Variants in HPS4 observed in about 807,000 individuals in gnomAD.
HPS4 encodes the protein BLOC-3 complex member HPS4.
A neutral mutation model predicts 70.3 loss-of-function variants in HPS4; 44 were observed. The observed-to-expected ratio is 0.63, with a 90% CI of 0.49 to 0.80. The LOEUF is 0.80. Among genes scored for constraint, HPS4 ranks in the 30% least tolerant of loss-of-function variants. The pLI is 0.00. For synonymous variants in HPS4, 377 were observed against 355.9 expected, an observed-to-expected ratio of 1.06 and a Z score of -0.67; for missense variants, 873 against 884.4, an observed-to-expected ratio of 0.99 and a Z score of 0.16.
chr22:26,456,746 T>A (rs1221582140), intron 13 of HPS4, among the ~76,000 whole-genome samples: 1 of 152,226 alleles, frequency 6.6e-6, no homozygotes, highest in African/African-American at 2.4e-5. Flanking sequence ...GCCCTTGACC[T>A]GCTAACTTGC....
chr22:26,449,352 CAG>C (rs1491380781), downstream of HPS4, among the ~76,000 whole-genome samples: 1 of 116,832 alleles, frequency 8.6e-6, no homozygotes, highest in Non-Finnish European at 1.7e-5. Context: ...TTTTTTGAGA[CAG>C]AGTCTCACTC....
intron 3 of HPS4, 70 bp downstream of exon 3, chr22:26,479,195 A>G: frequency 1.3e-6 from 2 of 1,482,802 alleles, no homozygotes; most frequent in Non-Finnish European, 1.9e-6. Context: ...TGTAAACCCC[A>G]TACTTTTGAA....
Position 26,479,373 on chromosome 22 carries a change from T to A in HPS4, c.42-18A>T. On this transcript the variant is annotated intron_variant, in intron 2 of 13. Coordinates refer to ENST00000398145, the MANE Select transcript of HPS4 (RefSeq NM_022081.6). The stretch of plus-strand genomic sequence containing the variant: ...AATTCCACCTGGCAAGAGAACAGAG[T>A]GGAGCCATGTTTCCTTTAATCCAGT... 6.2e-7 allele frequency: 1 copy of A among 1,613,064 alleles called. No individual in the cohort carries two copies. Among genetic ancestry groups the A allele is most frequent in the Non-Finnish European group, 8.5e-7 (1 of 1,179,516 alleles).
chr22:26,454,949 G>A (rs1379223346), intron 13 of HPS4, among the ~76,000 whole-genome samples: 2 of 152,072 alleles, frequency 1.3e-5, no homozygotes, highest in Non-Finnish European at 2.9e-5. Flanking sequence ...CTCAAAAGAA[G>A]ACATTTATGC....
intron 3 of HPS4, among the ~76,000 whole-genome samples, chr22:26,445,559 A>G (rs1015520074): frequency 6.6e-6 from 1 of 152,202 alleles, no homozygotes; most frequent in African/African-American, 2.4e-5. Flanking sequence ...CCCTGGCTTC[A>G]GAAAAGCTGA....
chr22:26,449,229 T>C (rs1036098640), downstream of HPS4, among the ~76,000 whole-genome samples: 3 of 151,836 alleles, frequency 2.0e-5, no homozygotes, highest in East Asian at 5.8e-4. Context: ...TGGACAACCA[T>C]AGCCTCCTGG....
At chr22:26,463,248 G>A (rs1389991924) in intron 11 of HPS4, among the ~76,000 whole-genome samples, 1 of 152,190 alleles carries the variant, frequency 6.6e-6, no homozygotes, top group Non-Finnish European at 1.5e-5. Context: ...GAGCCCTCCA[G>A]AGCCAGGCAG....
At chr22:26,447,224 TGAAA>T (rs1224948866), downstream of HPS4, among the ~76,000 whole-genome samples, 1 of 151,956 alleles carries the variant, frequency 6.6e-6, no homozygotes, top group African/African-American at 2.4e-5. Context: ...GGGACGACTG[TGAAA>T]GAGAGGCCAC....
intron 8 of HPS4, chr22:26,467,581 A>C (rs993857564): frequency 1.3e-5 from 2 of 152,240 alleles, no homozygotes; most frequent in Non-Finnish European, 2.9e-5. Context: ...AGTGTTTCCC[A>C]GAAAGGCTAC....
In HPS4 at chr22:26,464,762, T is replaced by A. The variant is rs765459737; in HGVS notation, c.868A>T (p.Thr290Ser). The change falls in exon 11 of 14, where the codon ACA (threonine) becomes TCA (serine). Residue 290 changes from threonine to serine, a missense_variant. Transcript: ENST00000398145. ...SAQHHPKGGS[T>S]SALKENATGH... ...GTGGCGTTTTCTTTCAGGGCAGATG[T>A]GCTCCCACCCTTTGGATGGTGCTGG... 1 of 1,586,270 alleles carries A rather than the reference T, an allele frequency of 6.3e-7. No individual in the cohort carries two copies. The highest frequency in any genetic ancestry group is 8.6e-7 in the Non-Finnish European group (1 of 1,165,952).
chr22:26,469,627 G>T (rs1233294581), intron 7 of HPS4, among the ~76,000 whole-genome samples: 1 of 149,674 alleles, frequency 6.7e-6, no homozygotes, highest in Non-Finnish European at 1.5e-5. Context: ...GGAAGCTGAG[G>T]ATCGCTTGAA....
chr22:26,457,210 C>CCTTTT (rs386395106), intron 13 of HPS4, among the ~76,000 whole-genome samples: 569 of 25,562 alleles, frequency 0.022, 55 homozygotes, highest in Non-Finnish European at 0.061. Context: ...GCACGTATTA[C>CCTTTT]TTTTTTTTTT....
At chr22:26,465,393 C>T in intron 10 of HPS4, 62 bp downstream of exon 10, 1 of 1,214,958 alleles carries the variant, frequency 8.2e-7, no homozygotes, top group Non-Finnish European at 1.2e-6. Flanking sequence ...TGTTTTTTAA[C>T]CAATCACGCG....
chr22:26,456,126 CAG>C (rs1353715405), intron 13 of HPS4, among the ~76,000 whole-genome samples: 1 of 152,190 alleles, frequency 6.6e-6, no homozygotes, highest in African/African-American at 2.4e-5. Flanking sequence ...TGGCGGGTGA[CAG>C]GGAATCAGAA....
At chr22:26,483,828 T>C (rs897565719), upstream of HPS4, 3 of 1,275,400 alleles carry the variant, frequency 2.4e-6, no homozygotes, top group Non-Finnish European at 3.0e-6. Context: ...CTCCAGCTCC[T>C]GGCAAGCCGG....
At chr22:26,470,400 T>G in intron 7 of HPS4, among the ~76,000 whole-genome samples, 1 of 152,226 alleles carries the variant, frequency 6.6e-6, no homozygotes. Context: ...ACTACAGTGC[T>G]GGCTGCTGGC....
intron 3 of HPS4, among the ~76,000 whole-genome samples, chr22:26,478,298 C>T (rs1444860967): frequency 2.0e-5 from 3 of 151,914 alleles, no homozygotes; most frequent in African/African-American, 4.8e-5. Context: ...TATTGCCGGG[C>T]GTGGTGGCTC....
intron 11 of HPS4, among the ~76,000 whole-genome samples, chr22:26,461,881 C>T (rs546758149): frequency 2.3e-4 from 35 of 152,232 alleles, no homozygotes; most frequent in Admixed American, 1.8e-3. Context: ...AATCCCAGCA[C>T]TTTGGGAGGC....
chr22:26,469,981 G>C (rs1395708711), intron 7 of HPS4, among the ~76,000 whole-genome samples: 1 of 152,244 alleles, frequency 6.6e-6, no homozygotes, highest in Non-Finnish European at 1.5e-5. Context: ...CCGCATGGCT[G>C]GCGAAAGAAG....
Sources: gnomAD v4.1 joint callset for allele counts (sites outside exome capture counted in the v4.1 genomes callset) on GRCh38, gnomAD v4.1.1 for gene constraint, MANE v1.5 for transcripts, NCBI Gene and HGNC (gene_info 2026-07-23, HGNC 2026-07-21) for gene names.